The following XPOT variants were observed in gnomAD, a reference collection of about 807,000 sequenced individuals.
The protein encoded by XPOT is exportin for tRNA.
In XPOT, 34 loss-of-function variants were observed where a neutral mutation model predicts 128.2. The ratio of observed to expected loss-of-function variants is 0.27; its 90% CI spans 0.20 to 0.35. The LOEUF is 0.35. Among genes scored for constraint, XPOT ranks in the 10% least tolerant of loss-of-function variants. XPOT has a pLI of 1.00. For missense variants in XPOT, 838 were observed against 1,125.3 expected, an observed-to-expected ratio of 0.74 and a Z score of 3.65; for synonymous variants, 348 against 394.3, an observed-to-expected ratio of 0.88 and a Z score of 1.39.
rs1433867006 is a variant in XPOT at position 64,424,664 on chromosome 12, T to C, written c.1248T>C (p.Ala416=). Residue 416 remains alanine (A), a synonymous_variant, in exon 12 of 25, where the codon GCT becomes GCC. Coordinates refer to ENST00000332707, the MANE Select transcript of XPOT (RefSeq NM_007235.6). ...TGAAGTTACTGTTGGACAGGCTTGC[T>C]CAAGTTTCACCAGAGTTACTACTGG... ...KQLKLLLDRL[A]QVSPELLLAS... is the part of the protein sequence containing the mutation. 1.9e-6 allele frequency: 3 copies of C among 1,612,894 alleles called. No individual in the cohort carries two copies. Among genetic ancestry groups the C allele is most frequent in the Non-Finnish European group, 2.5e-6 (3 of 1,179,972 alleles).
In XPOT at chr12:64,428,079, A is replaced by G. The variant is rs1309940438; in HGVS notation, c.1696A>G (p.Ile566Val). The G allele has an allele frequency of 4.4e-6, 7 of 1,575,632 alleles. No homozygotes were observed. Among genetic ancestry groups the G allele is most frequent in the Non-Finnish European group, 6.1e-6 (7 of 1,146,976 alleles). ...GCAAATGAATCCTTTCATTGAGGAT[A>G]TTTTGAATAGAATACAAGATTTATT... ...NKQMNPFIED[I>V]LNRIQDLLEL... The change falls in exon 16 of 25, where the codon ATT becomes GTT. Residue 566 changes from isoleucine (I) to valine (V), a missense_variant. Ile to Val is a conservative substitution (Grantham distance 29, BLOSUM62 3). This residue lies in a region of XPOT where 761 missense variants were observed against 988.3 expected (regional missense o/e 0.77). Coordinates refer to ENST00000332707, the MANE Select transcript of XPOT (RefSeq NM_007235.6).
intron 2 of XPOT, among the ~76,000 whole-genome samples, chr12:64,412,351 C>T (rs545337827): frequency 1.2e-4 from 18 of 152,196 alleles, no homozygotes; most frequent in Admixed American, 1.3e-4. Context: ...ATAAAACACT[C>T]GTCTTTGGCT....
chr12:64,425,301 A>G (rs1186596137), intron 13 of XPOT, 37 bp from the exon 14 acceptor site: 3 of 1,610,452 alleles, frequency 1.9e-6, no homozygotes, highest in Non-Finnish European at 2.5e-6. Flanking sequence ...ATGTTGCAAT[A>G]AATAAGAAGA....
At chr12:64,419,237 G>A (rs1292003782) in intron 6 of XPOT, 143 bp downstream of exon 6, 4 of 630,558 alleles carry the variant, frequency 6.3e-6, no homozygotes, top group Middle Eastern at 3.7e-4. Context: ...TGATGTTTTG[G>A]ATTTTATTTT....
chr12:64,421,833 A>G (rs1024250727), intron 9 of XPOT, among the ~76,000 whole-genome samples: 1 of 151,382 alleles, frequency 6.6e-6, no homozygotes, highest in African/African-American at 2.4e-5. Flanking sequence ...CTTTTTTGAG[A>G]CGGAGTTTTG....
At chr12:64,418,442 G>A (rs2040108138) in intron 5 of XPOT, among the ~76,000 whole-genome samples, 1 of 152,176 alleles carries the variant, frequency 6.6e-6, no homozygotes, top group Admixed American at 6.5e-5. Context: ...CTCCACCAGA[G>A]CCCTTTATAA....
intron 4 of XPOT, among the ~76,000 whole-genome samples, chr12:64,416,985 G>A (rs550873325): frequency 2.6e-5 from 4 of 152,024 alleles, no homozygotes; most frequent in South Asian, 2.1e-4. Context: ...GGCTGAGGCC[G>A]GTAGATCACT....
At chr12:64,426,395 A>G (rs1431660354) in intron 15 of XPOT, among the ~76,000 whole-genome samples, 4 of 152,114 alleles carry the variant, frequency 2.6e-5, no homozygotes, top group Non-Finnish European at 4.4e-5. Context: ...TTACAGCAAC[A>G]TGGATGCAGC....
At chr12:64,418,014 C>T (rs367804803) in intron 4 of XPOT, 32 bp from the exon 5 acceptor site, 15 of 1,551,352 alleles carry the variant, frequency 9.7e-6, no homozygotes, top group Non-Finnish European at 1.2e-5. Context: ...CCAAATATAG[C>T]CATTATTCTT....
rs775084744 is a variant in XPOT, at chr12:64,420,185, C to T, written c.605C>T (p.Thr202Met). 5.0e-6 allele frequency: 8 copies of T among 1,612,370 alleles called. No individual in the cohort carries two copies. The highest frequency in any genetic ancestry group is 5.1e-6 in the Non-Finnish European group (6 of 1,179,446). The change falls in exon 7 of 25, where the codon ACG (threonine) becomes ATG (methionine). Residue 202 changes from threonine to methionine, a missense_variant. Transcript: ENST00000332707. Reference protein sequence around the residue: ...QNYQFTNSEVTCQCLEVVGAY... With the variant: ...QNYQFTNSEVMCQCLEVVGAY... ...TATCAGTTTACTAATTCTGAAGTGA[C>T]GTGTCAGTGCCTTGAAGTAGTTGGG...
rs1032408089 is a variant in XPOT at position 64,449,804 on chromosome 12, T to C, written c.*1673T>C. 3 of 152,250 alleles carry C rather than the reference T, an allele frequency of 2.0e-5. No homozygotes were observed. Among genetic ancestry groups the C allele is most frequent in the African/African-American group, 7.2e-5 (3 of 41,470 alleles). The allele number at this position is 152,250 out of a possible 1,614,324, so 9.4% of individuals were successfully genotyped here. ...TTCCCCTGTACTATAGGAGTGATAA[T>C]TGCAGCTATTGCAATAGTAGTAATT... is the stretch of plus-strand genomic sequence containing the variant. On this transcript the variant is annotated 3_prime_UTR_variant, in exon 25 of 25. Coordinates refer to ENST00000332707, the MANE Select transcript of XPOT (RefSeq NM_007235.6).
intron 6 of XPOT, among the ~76,000 whole-genome samples, 162 bp from the exon 7 acceptor site, chr12:64,419,908 A>C (rs947318510): frequency 6.6e-6 from 1 of 152,232 alleles, no homozygotes; most frequent in African/African-American, 2.4e-5. Context: ...CAGAAAGAGG[A>C]AATACAAAGA....
At chr12:64,444,984 AAAAATT>A in intron 23 of XPOT, 85 bp from the exon 24 acceptor site, 1 of 1,114,560 alleles carries the variant, frequency 9.0e-7, no homozygotes, top group Non-Finnish European at 1.3e-6. Flanking sequence ...AAAAAAAAAA[AAAAATT>A]AAAAAAAAAA....
chr12:64,418,186 A>C, intron 5 of XPOT, 71 bp downstream of exon 5: 1 of 1,298,286 alleles, frequency 7.7e-7, no homozygotes, highest in Non-Finnish European at 1.1e-6. Context: ...AGAGTTTGGA[A>C]CTTTACCTCA....
rs369439970 is a variant in XPOT, at chr12:64,419,072, G to A, written c.467G>A (p.Arg156His). 1.1e-5 allele frequency: 17 copies of A among 1,614,046 alleles called. No homozygotes were observed. In the East Asian group the frequency reaches 1.3e-4, roughly 13 times the overall value. The change falls in exon 6 of 25, where the codon CGT becomes CAT. Residue 156 changes from arginine to histidine, a missense_variant. By Grantham distance (29) the Arg-to-His change is conservative. This residue lies in a region of XPOT where 761 missense variants were observed against 988.3 expected (regional missense o/e 0.77). Coordinates refer to ENST00000332707, the MANE Select transcript of XPOT (RefSeq NM_007235.6). ...LMAIDSELVDRDVVHTSEEAR... is the reference protein window; with the variant it reads ...LMAIDSELVDHDVVHTSEEAR... ...GCTATTGATTCAGAGTTGGTGGATC[G>A]TGATGTGGTGCATACATCAGAGGCA... is the stretch of plus-strand genomic sequence containing the variant.
chr12:64,410,224 A>T (rs1162334250), intron 2 of XPOT, 129 bp downstream of exon 2: 2 of 718,212 alleles, frequency 2.8e-6, no homozygotes, highest in Non-Finnish European at 4.6e-6. Flanking sequence ...AATTTGAGGT[A>T]TTTGAATATA....
chr12:64,423,194 G>A lies in XPOT; in HGVS notation c.1132G>A (p.Ala378Thr), dbSNP rs189802425. ...QKANVEAIML[A>T]VMKKLTYDEE... ...ATTTTATTCTTAGGCAATCATGTTGGCCGTTATGAAAAAATTGACTTACGA... is the reference window on the plus strand; with the variant it reads ...ATTTTATTCTTAGGCAATCATGTTGACCGTTATGAAAAAATTGACTTACGA... Residue 378 changes from alanine (A) to threonine (T), a missense_variant, in exon 11 of 25, where the codon GCC becomes ACC. This residue lies in a region of XPOT where 761 missense variants were observed against 988.3 expected (regional missense o/e 0.77). Coordinates refer to ENST00000332707, the MANE Select transcript of XPOT (RefSeq NM_007235.6). 6.3e-7 allele frequency: 1 copy of A among 1,596,698 alleles called. No homozygotes were observed. The highest frequency in any genetic ancestry group is 2.2e-5 in the East Asian group (1 of 44,528).
In XPOT at chr12:64,449,192, CT is replaced by C. The variant is rs1194668687; in HGVS notation, c.*1062del. The C allele has an allele frequency of 5.2e-5, 2 of 38,744 alleles. No homozygotes were observed. Among genetic ancestry groups the C allele is most frequent in the Non-Finnish European group, 1.3e-4 (2 of 15,592 alleles). 2.4% of individuals were successfully genotyped at this position (38,744 alleles called of 1,614,324 possible). A position where few individuals can be genotyped will look rare whatever the true frequency, so the allele number is the denominator to read the frequency against. ...CCTGGGCAAGAGAGTAAGACTCTCT[CT>C]CAAAAAAAAAAAAAAAGAATTTAAA... On this transcript the variant is annotated 3_prime_UTR_variant, in exon 25 of 25. Transcript: ENST00000332707.
At chr12:64,446,124 C>CT (rs1418461082) in intron 24 of XPOT, among the ~76,000 whole-genome samples, 10 of 152,152 alleles carry the variant, frequency 6.6e-5, no homozygotes, top group African/African-American at 2.4e-4. Context: ...AGCAAAGTGC[C>CT]TACAGGAGTA....
Sources: allele counts gnomAD v4.1 joint callset (sites outside exome capture counted in the v4.1 genomes callset), GRCh38; gene constraint gnomAD v4.1.1; regional missense constraint gnomAD v4.1.1; transcripts MANE v1.5; gene names NCBI Gene and HGNC (gene_info 2026-07-23, HGNC 2026-07-21).